RABEP1: variants seen among roughly 807,000 people sequenced by gnomAD.
RABEP1 encodes rabaptin, RAB GTPase binding effector protein 1, also known as rab GTPase-binding effector protein 1.
A neutral mutation model predicts 123.4 loss-of-function variants in RABEP1; 51 were observed. The observed-to-expected ratio is 0.41, with a 90% CI of 0.33 to 0.52. The LOEUF is 0.52. Ranked by LOEUF, RABEP1 falls within the 20% of genes least tolerant of loss-of-function variation. The probability of loss-of-function intolerance (pLI) is 0.16; values close to 1 mark genes in which losing one functional copy is unlikely to be tolerated. For missense variants in RABEP1, 888 were observed against 996.3 expected, an observed-to-expected ratio of 0.89 and a Z score of 1.46; for synonymous variants, 347 against 355.2, an observed-to-expected ratio of 0.98 and a Z score of 0.26.
rs557503040 is a variant in RABEP1, at chr17:5,368,009, A to G, written c.1786-361A>G. ...TGACCTCAGGTGATCTGCCCGCCTC[A>G]GCCTCCCAAAGTGCTGGGATTACAG... On this transcript the variant is annotated intron_variant, in intron 11 of 17. Coordinates refer to ENST00000537505, the MANE Select transcript of RABEP1 (RefSeq NM_004703.6). Among the ~76,000 whole-genome samples the G allele has an allele frequency of 6.0e-3, 881 of 147,796 alleles. 27 individuals are homozygous for G. Among genetic ancestry groups the G allele is most frequent in the East Asian group, 0.045 (194 of 4,338 alleles).
At chr17:5,377,825 C>T (rs1056192569) in intron 14 of RABEP1, among the ~76,000 whole-genome samples, 14 of 152,096 alleles carry the variant, frequency 9.2e-5, no homozygotes, top group African/African-American at 1.7e-4. Context: ...CGCGCCTGGC[C>T]GAAAACTCGT....
At chr17:5,305,902 A>T (rs1483713170) in intron 1 of RABEP1, among the ~76,000 whole-genome samples, 1 of 152,106 alleles carries the variant, frequency 6.6e-6, no homozygotes, top group African/African-American at 2.4e-5. Flanking sequence ...CAGTGCTTTG[A>T]CTTAGAGACC....
intron 3 of RABEP1, among the ~76,000 whole-genome samples, chr17:5,333,883 C>A (rs1906797179): frequency 6.6e-6 from 1 of 152,170 alleles, no homozygotes; most frequent in South Asian, 2.1e-4. Flanking sequence ...CCAGCATATC[C>A]CTTTCGCTTT....
rs773956696 is a variant in RABEP1 at position 5,323,759 on chromosome 17, AAT to A, written c.164-8177_164-8176del. 1.8e-3 allele frequency among the ~76,000 whole-genome samples: 117 copies of A among 65,998 alleles called. 4 individuals carry two copies. Among genetic ancestry groups the A allele is most frequent in the South Asian group, 6.7e-3 (17 of 2,546 alleles). The allele number at this position is 65,998 out of a possible 152,430, so 43.3% of individuals were successfully genotyped here. On this transcript the variant is annotated intron_variant, in intron 2 of 17. Transcript: ENST00000537505. ...ATCTAGGAATATATATATATCTAGG[AAT>A]ATATATATATATCTAGGAATATATA...
At chr17:5,312,903 T>TA (rs1359301980) in intron 2 of RABEP1, among the ~76,000 whole-genome samples, 8 of 152,246 alleles carry the variant, frequency 5.3e-5, no homozygotes, top group Non-Finnish European at 8.8e-5. Flanking sequence ...GGTCAGGAGT[T>TA]AGAGTCCGGC....
chr17:5,288,542 T>A (rs1235294514), intron 1 of RABEP1, among the ~76,000 whole-genome samples: 2 of 151,720 alleles, frequency 1.3e-5, no homozygotes, highest in Non-Finnish European at 2.9e-5. Context: ...ATTACAGGCA[T>A]GTGCTGCCAT....
At chr17:5,380,317 G>A in intron 15 of RABEP1, 47 bp from the exon 16 acceptor site, 1 of 1,334,978 alleles carries the variant, frequency 7.5e-7, no homozygotes, top group Non-Finnish European at 1.0e-6. Context: ...AGTGCACTGG[G>A]GCCCAGAGGG....
chr17:5,354,571 G>C, intron 8 of RABEP1, 81 bp downstream of exon 8: 2 of 1,316,914 alleles, frequency 1.5e-6, no homozygotes, highest in Non-Finnish European at 2.1e-6. Context: ...TAATTACATT[G>C]TTCATATGAG....
At chr17:5,339,204 A>T (rs1033599643) in intron 5 of RABEP1, among the ~76,000 whole-genome samples, 3 of 152,200 alleles carry the variant, frequency 2.0e-5, no homozygotes, top group African/African-American at 7.2e-5. Flanking sequence ...AAATAAAAAC[A>T]ATATGAAAAT....
At chr17:5,282,677 AGGGCGGCGC>A (rs1186346900) in intron 1 of RABEP1, among the ~76,000 whole-genome samples, 157 bp downstream of exon 1, 1 of 142,066 alleles carries the variant, frequency 7.0e-6, no homozygotes, top group African/African-American at 2.5e-5. Context: ...GCGGCGCGCG[AGGGCGGCGC>A]GGGCGCCCCG....
At chr17:5,378,143 T>A in intron 14 of RABEP1, 34 bp from the exon 15 acceptor site, 4 of 1,487,014 alleles carry the variant, frequency 2.7e-6, no homozygotes, top group Non-Finnish European at 3.7e-6. Flanking sequence ...CAATAATAGA[T>A]GAATGCTAAT....
intron 1 of RABEP1, among the ~76,000 whole-genome samples, chr17:5,294,488 T>C (rs2075061828): frequency 1.3e-5 from 2 of 152,046 alleles, no homozygotes; most frequent in Admixed American, 6.5e-5. Context: ...TATTTAGAGG[T>C]GATTTAAAGT....
chr17:5,322,365 AAAAAG>A (rs1438605528), intron 2 of RABEP1, among the ~76,000 whole-genome samples: 14 of 152,150 alleles, frequency 9.2e-5, no homozygotes, highest in African/African-American at 2.9e-4. Context: ...TCAAAAGAAA[AAAAAG>A]AAAAGACCGT....
intron 1 of RABEP1, among the ~76,000 whole-genome samples, chr17:5,296,424 C>G (rs552324632): frequency 6.6e-6 from 1 of 152,004 alleles, no homozygotes; most frequent in South Asian, 2.1e-4. Flanking sequence ...CCACCACACC[C>G]GGCTAATTTT....
chr17:5,319,105 G>T (rs768364639), intron 2 of RABEP1, among the ~76,000 whole-genome samples: 6 of 152,030 alleles, frequency 3.9e-5, no homozygotes, highest in Non-Finnish European at 8.8e-5. Flanking sequence ...GCCGAGGTGG[G>T]TGGATCACGA....
chr17:5,338,337 G>A (rs183916119), intron 5 of RABEP1, among the ~76,000 whole-genome samples, 199 bp downstream of exon 5: 6 of 152,110 alleles, frequency 3.9e-5, no homozygotes, highest in Non-Finnish European at 8.8e-5. Context: ...TGAGGCGGGC[G>A]GATCACCTGA....
At chr17:5,366,888 GAGACC>G (rs1225233869) in intron 11 of RABEP1, among the ~76,000 whole-genome samples, 1 of 151,742 alleles carries the variant, frequency 6.6e-6, no homozygotes, top group African/African-American at 2.4e-5. Flanking sequence ...TCAGGAGTTT[GAGACC>G]AGCCTGACCA....
intron 2 of RABEP1, among the ~76,000 whole-genome samples, chr17:5,316,936 G>A (rs2075303964): frequency 6.6e-6 from 1 of 150,548 alleles, no homozygotes. Context: ...ATGAAGTCTT[G>A]CTCTGTCACC....
Position 5,384,613 on chromosome 17 carries a change from C to A in RABEP1, c.*1390C>A, listed in dbSNP as rs1187034529. ...GTCACTATGGACTTACCCTAAAGAT[C>A]TTCTGTACTTCTGTCTTCCATAGGA... is the stretch of plus-strand genomic sequence containing the variant. On this transcript the variant is annotated 3_prime_UTR_variant, in exon 18 of 18. Transcript: ENST00000537505. 1 of 214,730 alleles carries A rather than the reference C, an allele frequency of 4.7e-6. No individual in the cohort carries two copies. Among genetic ancestry groups the A allele is most frequent in the East Asian group, 7.1e-5 (1 of 14,126 alleles). The allele number at this position is 214,730 out of a possible 1,614,324, so 13.3% of individuals were successfully genotyped here.
Sources: allele counts gnomAD v4.1 joint callset (sites outside exome capture counted in the v4.1 genomes callset), GRCh38; gene constraint gnomAD v4.1.1; transcripts MANE v1.5; gene names NCBI Gene and HGNC (gene_info 2026-07-23, HGNC 2026-07-21).